The following PKD1L1 variants were observed in gnomAD, a reference collection of about 807,000 sequenced individuals.
PKD1L1 encodes polycystin-1-like protein 1.
A neutral mutation model predicts 323.4 loss-of-function variants in PKD1L1; 236 were observed. The ratio of observed to expected loss-of-function variants is 0.73; its 90% CI spans 0.66 to 0.81. The LOEUF (loss-of-function observed/expected upper bound fraction) is 0.81. Among genes scored for constraint, PKD1L1 ranks in the 40% least tolerant of loss-of-function variants. PKD1L1 has a pLI of 0.00. For missense variants in PKD1L1, 3,320 were observed against 3,508.0 expected, an observed-to-expected ratio of 0.95 and a Z score of 1.35; for synonymous variants, 1,344 against 1,335.0, an observed-to-expected ratio of 1.01 and a Z score of -0.15.
At chr7:47,847,098 G>C (rs1169582160) in intron 31 of PKD1L1, 27 bp from the exon 32 acceptor site, 3 of 1,534,926 alleles carry the variant, frequency 2.0e-6, no homozygotes, top group Non-Finnish European at 2.6e-6. Flanking sequence ...TAAATAAAAA[G>C]TACAACCTGA....
At chr7:47,795,531 G>A in intron 55 of PKD1L1, 1 of 357,172 alleles carries the variant, frequency 2.8e-6, no homozygotes, top group South Asian at 2.1e-5. Flanking sequence ...CAGCCATGAA[G>A]AAAGTGAGTA....
chr7:47,939,762 TCCCACTCCCCACCTGGGGGACAGCA>T (rs1338314243), intron 3 of PKD1L1, among the ~76,000 whole-genome samples: 1 of 151,754 alleles, frequency 6.6e-6, no homozygotes, highest in Non-Finnish European at 1.5e-5. Context: ...TCGGGGCAGC[TCCCACTCCCCACCTGGGGGACAGCA>T]CCCACTCCCC....
At position 47,844,992 on chromosome 7, in the gene PKD1L1, T is replaced by TA; in HGVS notation, c.5237+2dup. On this transcript the variant is annotated splice_region_variant and intron_variant, in intron 33 of 56. Transcript: ENST00000289672. ...AAGTCTTTATGTAGGAAATGGAACT[T>TA]ACCTCTGTAGCTTGGAAATGTCACT... 1.2e-6 allele frequency: 2 copies of TA among 1,611,370 alleles called. No homozygotes were observed.
chr7:47,785,663 C>T (rs1786789206), intron 56 of PKD1L1, among the ~76,000 whole-genome samples: 1 of 152,076 alleles, frequency 6.6e-6, no homozygotes, highest in South Asian at 2.1e-4. Flanking sequence ...ACCTGCCTGA[C>T]CTCCATGTTT....
chr7:47,816,498 A>C (rs1785022770), intron 46 of PKD1L1, among the ~76,000 whole-genome samples: 2 of 152,312 alleles, frequency 1.3e-5, no homozygotes, highest in South Asian at 4.1e-4. Flanking sequence ...AAAGCAAAGT[A>C]CCTCTCACCT....
intron 8 of PKD1L1, among the ~76,000 whole-genome samples, chr7:47,910,424 T>C (rs1787295173): frequency 6.8e-6 from 1 of 146,752 alleles, no homozygotes; most frequent in Non-Finnish European, 1.5e-5. Flanking sequence ...AAGCTCTGCC[T>C]CCCAGGTTCA....
At chr7:47,785,043 A>G (rs1382544018) in intron 56 of PKD1L1, among the ~76,000 whole-genome samples, 1 of 152,174 alleles carries the variant, frequency 6.6e-6, no homozygotes, top group Non-Finnish European at 1.5e-5. Context: ...CTCAGCTAGC[A>G]AGGGCAGAAC....
In PKD1L1 at chr7:47,839,415, C is replaced by T. The variant is rs761479906; in HGVS notation, c.5769+31G>A. ...CCATGCTCTGCCGGTCAGCCAGGTG[C>T]GCCACGAGAGGCCACCTGGAGGGAG... On this transcript the variant is annotated intron_variant, in intron 36 of 56. Transcript: ENST00000289672. This position sits in a 1 kb window ranked among gnomAD's most constrained non-coding sequence, Gnocchi z 4.3. 20 of 1,561,420 alleles carry T rather than the reference C, an allele frequency of 1.3e-5. No homozygotes were observed. Among genetic ancestry groups the T allele is most frequent in the Middle Eastern group, 1.7e-4 (1 of 5,984 alleles).
At chr7:47,868,472 T>A (rs566972287) in intron 24 of PKD1L1, among the ~76,000 whole-genome samples, 1 of 152,284 alleles carries the variant, frequency 6.6e-6, no homozygotes, top group South Asian at 2.1e-4. Flanking sequence ...AGATGGTAAC[T>A]TAAAGCCACA....
At chr7:47,913,219 G>C (rs983537599) in intron 8 of PKD1L1, among the ~76,000 whole-genome samples, 1 of 152,168 alleles carries the variant, frequency 6.6e-6, no homozygotes, top group Non-Finnish European at 1.5e-5. Context: ...TGGGAACTTA[G>C]AGGAAGCTTA....
chr7:47,936,150 T>C (rs993206993), intron 4 of PKD1L1, among the ~76,000 whole-genome samples: 9 of 152,226 alleles, frequency 5.9e-5, no homozygotes, highest in African/African-American at 1.9e-4. Flanking sequence ...CCTGGTGCTA[T>C]TGTGTTTTTT....
chr7:47,857,861 G>A (rs768325672), intron 27 of PKD1L1, 29 bp from the exon 28 acceptor site: 3 of 1,594,808 alleles, frequency 1.9e-6, no homozygotes, highest in East Asian at 2.2e-5. Flanking sequence ...GGAGTGGGAT[G>A]TTTATAACAC....
At chr7:47,831,075 G>A (rs1785339657) in intron 42 of PKD1L1, 142 bp downstream of exon 42, 3 of 1,175,938 alleles carry the variant, frequency 2.6e-6, no homozygotes, top group African/African-American at 3.1e-5. Flanking sequence ...CAGGAGATGG[G>A]AGGGAGAAAT....
In PKD1L1 at chr7:47,854,918, G is replaced by A; in HGVS notation, c.4823C>T (p.Pro1608Leu). 1 of 1,614,094 alleles carries A rather than the reference G, an allele frequency of 6.2e-7. No homozygotes were observed. Among genetic ancestry groups the A allele is most frequent in the East Asian group, 2.2e-5 (1 of 44,880 alleles). The stretch of plus-strand genomic sequence containing the variant: ...CATGACGGGAAATGCCCTTGTAACA[G>A]GTTTGGAAAATTCAATTTCTATCTG... The part of the protein sequence containing the change: ...SLQIEIEFSK[P>L]VTRAFPVMLL... The change falls in exon 30 of 57, where the codon CCT becomes CTT. Residue 1608 changes from proline to leucine, a missense_variant. Transcript: ENST00000289672.
At chr7:47,791,174 G>T (rs1786937426) in intron 56 of PKD1L1, among the ~76,000 whole-genome samples, 1 of 151,782 alleles carries the variant, frequency 6.6e-6, no homozygotes. Context: ...AAATTTTCTG[G>T]GCTTTTTTAG....
intron 4 of PKD1L1, among the ~76,000 whole-genome samples, chr7:47,935,349 C>T (rs539766775): frequency 6.6e-6 from 1 of 152,280 alleles, no homozygotes; most frequent in Admixed American, 6.5e-5. Context: ...ATGCTCTGCC[C>T]TGAAATGGAT....
In PKD1L1 at chr7:47,840,058, A is replaced by G; in HGVS notation, c.5553-396T>C. ...AAAAATAATTTAGCTCAGTCCTTTC[A>G]TATTTTCTAAGACGCCAGGTGCTTG... On this transcript the variant is annotated intron_variant, in intron 35 of 56. Transcript: ENST00000289672. This position sits in a 1 kb window ranked among gnomAD's most constrained non-coding sequence, Gnocchi z 4.1. Among the ~76,000 whole-genome samples, 1 of 152,182 alleles carries G rather than the reference A, an allele frequency of 6.6e-6. No individual in the cohort carries two copies. The highest frequency in any genetic ancestry group is 1.5e-5 in the Non-Finnish European group (1 of 68,038).
intron 26 of PKD1L1, 24 bp downstream of exon 26, chr7:47,865,192 T>C (rs780348903): frequency 3.1e-6 from 5 of 1,587,568 alleles, no homozygotes; most frequent in Non-Finnish European, 4.3e-6. Flanking sequence ...TAGGAAAATA[T>C]TTCTGGGAAA....
intron 56 of PKD1L1, among the ~76,000 whole-genome samples, chr7:47,789,774 A>G (rs1366011857): frequency 2.6e-5 from 4 of 152,240 alleles, no homozygotes; most frequent in Non-Finnish European, 4.4e-5. Flanking sequence ...TTAAATATAA[A>G]TACATACAAT....
Sources: allele counts gnomAD v4.1 joint callset (sites outside exome capture counted in the v4.1 genomes callset), GRCh38; gene constraint gnomAD v4.1.1; non-coding constraint Gnocchi (gnomAD v3.1); transcripts MANE v1.5; gene names NCBI Gene and HGNC (gene_info 2026-07-23, HGNC 2026-07-21).